The following ASIC2 variants were observed in gnomAD, a reference collection of about 807,000 sequenced individuals.
ASIC2 encodes the protein acid sensing ion channel subunit 2, also known as acid-sensing ion channel 2.
Under a neutral mutation model 57.3 loss-of-function variants are expected in ASIC2, and 25 were observed. That is an observed-to-expected ratio of 0.44 (90% confidence interval 0.32 to 0.61). The LOEUF (loss-of-function observed/expected upper bound fraction) is 0.61, where lower values mean the gene tolerates loss of function less well. Ranked by LOEUF, ASIC2 falls within the 20% of genes least tolerant of loss-of-function variation. The pLI is 0.06. For missense variants in ASIC2, 641 were observed against 738.1 expected (o/e 0.87, Z 1.52); for synonymous variants, 319 against 307.5 (o/e 1.04, Z -0.39).
intron 1 of ASIC2, among the ~76,000 whole-genome samples, chr17:33,390,680 T>C (rs1909856966): frequency 6.6e-6 from 1 of 152,130 alleles, no homozygotes; most frequent in African/African-American, 2.4e-5. Flanking sequence ...AGCCAACAAG[T>C]CCTCTGCCGC....
intron 1 of ASIC2, among the ~76,000 whole-genome samples, chr17:33,153,216 C>G (rs906215969): frequency 6.6e-6 from 1 of 152,244 alleles, no homozygotes; most frequent in South Asian, 2.1e-4. Flanking sequence ...CATGGGCACC[C>G]AGGGCCCCCA....
chr17:33,291,185 G>T, intron 1 of ASIC2: 1 of 926,476 alleles, frequency 1.1e-6, no homozygotes, highest in Non-Finnish European at 1.5e-6. Flanking sequence ...TGGGACAGGG[G>T]AGCTCCCACT....
At chr17:33,229,917 C>T (rs1351623222) in intron 1 of ASIC2, among the ~76,000 whole-genome samples, 1 of 152,164 alleles carries the variant, frequency 6.6e-6, no homozygotes, top group Non-Finnish European at 1.5e-5. Context: ...GGGATTCTAG[C>T]CTTTGATGGA....
At chr17:33,483,670 C>T (rs1405554672) in intron 1 of ASIC2, among the ~76,000 whole-genome samples, 3 of 152,198 alleles carry the variant, frequency 2.0e-5, no homozygotes, top group Non-Finnish European at 2.9e-5. Context: ...CATGACTTAT[C>T]CTACTGTGGT....
chr17:33,244,673 C>A (rs553216383), intron 1 of ASIC2, among the ~76,000 whole-genome samples: 1 of 152,188 alleles, frequency 6.6e-6, no homozygotes, highest in Non-Finnish European at 1.5e-5. Context: ...CTTGCCCCAC[C>A]ACGAGACCCT....
rs182317468 is a variant in ASIC2 at position 34,033,672 on chromosome 17, T to C, written c.555+122306A>G. ...ATCAAATAGACGCAATAAAAAATGA[T>C]GAAGGGGCTATCATCACCGATCCCA... On this transcript the variant is annotated intron_variant, in intron 1 of 9. Coordinates refer to the ASIC2 transcript ENST00000359872. 3.6e-3 allele frequency among the ~76,000 whole-genome samples: 554 copies of C among 152,308 alleles called. 3 individuals are homozygous for C. The highest frequency in any genetic ancestry group is 0.013 in the African/African-American group (535 of 41,564).
chr17:33,297,757 GA>G (rs1198116084), upstream of ASIC2, among the ~76,000 whole-genome samples: 1 of 151,874 alleles, frequency 6.6e-6, no homozygotes, highest in African/African-American at 2.4e-5. Context: ...GCAAGGTCGA[GA>G]CTGCAGTGAA....
chr17:34,155,870 T>G, intron 1 of ASIC2: 1 of 1,314,466 alleles, frequency 7.6e-7, no homozygotes, highest in East Asian at 2.4e-5. Context: ...GAGGCACTGC[T>G]CTCTCTCCTG....
chr17:33,077,080 C>T (rs564100090), intron 3 of ASIC2, among the ~76,000 whole-genome samples: 62 of 152,188 alleles, frequency 4.1e-4, no homozygotes, highest in African/African-American at 1.5e-3. Flanking sequence ...CCCAGCTGCC[C>T]TCTCTAAGAG....
chr17:33,899,677 C>A (rs916417078), intron 1 of ASIC2, among the ~76,000 whole-genome samples: 1 of 152,168 alleles, frequency 6.6e-6, no homozygotes, highest in Non-Finnish European at 1.5e-5. Flanking sequence ...ATGAGATACA[C>A]AAAGGGACCA....
chr17:33,391,397 A>G (rs576180742), intron 1 of ASIC2, among the ~76,000 whole-genome samples: 267 of 152,360 alleles, frequency 1.8e-3, no homozygotes, highest in Non-Finnish European at 2.8e-3. Flanking sequence ...CAAGCATTCA[A>G]TCATGAGTTA....
At chr17:33,494,496 T>C (rs1262653724) in intron 1 of ASIC2, among the ~76,000 whole-genome samples, 2 of 152,170 alleles carry the variant, frequency 1.3e-5, no homozygotes, top group Non-Finnish European at 2.9e-5. Flanking sequence ...CACACGAGTA[T>C]TGAGATAGGT....
chr17:33,256,703 G>A (rs373864809), intron 1 of ASIC2, among the ~76,000 whole-genome samples: 14 of 152,110 alleles, frequency 9.2e-5, no homozygotes, highest in African/African-American at 2.7e-4. Context: ...GTGGTGGCAC[G>A]TGCCTGTAAT....
At chr17:34,068,356 C>T (rs533647544) in intron 1 of ASIC2, among the ~76,000 whole-genome samples, 1 of 152,278 alleles carries the variant, frequency 6.6e-6, no homozygotes, top group Admixed American at 6.5e-5. Flanking sequence ...TAATAGAAAA[C>T]TCATAGGAAA....
chr17:33,296,882 T>C (rs1905741121), upstream of ASIC2, among the ~76,000 whole-genome samples: 1 of 152,242 alleles, frequency 6.6e-6, no homozygotes. Flanking sequence ...TCTGAGATAC[T>C]ACCTAAGCCT....
intron 3 of ASIC2, among the ~76,000 whole-genome samples, chr17:33,032,922 T>C (rs1261182516): frequency 7.0e-6 from 1 of 142,636 alleles, no homozygotes; most frequent in African/African-American, 2.5e-5. Context: ...TCTTTTAACT[T>C]TTTTTTTTTA....
intron 1 of ASIC2, among the ~76,000 whole-genome samples, chr17:33,891,174 C>T (rs1350480086): frequency 6.6e-6 from 1 of 152,136 alleles, no homozygotes; most frequent in East Asian, 1.9e-4. Context: ...GGGAATTAGT[C>T]CCAGTGGGGA....
intron 1 of ASIC2, among the ~76,000 whole-genome samples, chr17:33,479,548 G>A (rs913000863): frequency 6.6e-6 from 1 of 152,210 alleles, no homozygotes; most frequent in African/African-American, 2.4e-5. Context: ...GTTTGCAGGA[G>A]CTGGAGGAAT....
At chr17:33,020,668 A>G (rs2091831819) in intron 7 of ASIC2, among the ~76,000 whole-genome samples, 1 of 152,116 alleles carries the variant, frequency 6.6e-6, no homozygotes, top group Non-Finnish European at 1.5e-5. Flanking sequence ...AGGTTTGTAG[A>G]TACCTGGGGA....
Sources: gnomAD v4.1 joint callset for allele counts (sites outside exome capture counted in the v4.1 genomes callset) on GRCh38, gnomAD v4.1.1 for gene constraint, MANE v1.5 for transcripts, NCBI Gene and HGNC (gene_info 2026-07-23, HGNC 2026-07-21) for gene names.